Variants in COL15A1 observed in about 807,000 individuals in gnomAD.
The protein encoded by COL15A1 is collagen type XV alpha 1 chain.
Under a neutral mutation model 165.9 loss-of-function variants are expected in COL15A1, and 111 were observed. The observed-to-expected ratio is 0.67, with a 90% CI of 0.57 to 0.78. COL15A1 has a LOEUF of 0.78. Ranked by LOEUF, COL15A1 falls within the 30% of genes least tolerant of loss-of-function variation. COL15A1 has a pLI of 0.00. For synonymous variants in COL15A1, 659 were observed against 674.8 expected (o/e 0.98, Z 0.36); for missense variants, 1,745 against 1,789.7 (o/e 0.98, Z 0.45).
At chr9:98,963,557 G>A (rs926083564) in intron 2 of COL15A1, among the ~76,000 whole-genome samples, 8 of 152,172 alleles carry the variant, frequency 5.3e-5, no homozygotes, top group African/African-American at 1.9e-4. Context: ...GATCACATCC[G>A]TACCATTCTC....
chr9:99,010,959 C>T (rs965838425), intron 9 of COL15A1, among the ~76,000 whole-genome samples: 8 of 151,654 alleles, frequency 5.3e-5, no homozygotes, highest in African/African-American at 1.5e-4. Context: ...GAAGAAAATA[C>T]TCCTTTTAGA....
At chr9:98,955,202 A>G (rs1365354680) in intron 2 of COL15A1, among the ~76,000 whole-genome samples, 4 of 152,206 alleles carry the variant, frequency 2.6e-5, no homozygotes, top group African/African-American at 9.6e-5. Flanking sequence ...AGAATAACCA[A>G]TGCAGTCCAA....
intron 5 of COL15A1, among the ~76,000 whole-genome samples, 154 bp downstream of exon 5, chr9:98,989,412 C>T (rs1234267085): frequency 6.6e-6 from 1 of 152,184 alleles, no homozygotes; most frequent in Non-Finnish European, 1.5e-5. Flanking sequence ...AAAATAATGG[C>T]CAATGGGCAC....
chr9:99,015,343 C>A (rs1588515960), intron 9 of COL15A1, 74 bp from the exon 10 acceptor site: 2 of 993,686 alleles, frequency 2.0e-6, no homozygotes, highest in Non-Finnish European at 1.6e-6. Context: ...GCGCTTTCCA[C>A]CCCCCAGCCT....
chr9:98,995,144 C>A (rs974757476), intron 5 of COL15A1, among the ~76,000 whole-genome samples: 1 of 152,200 alleles, frequency 6.6e-6, no homozygotes, highest in African/African-American at 2.4e-5. Context: ...GATGGAGTGG[C>A]TTCTGCCTTG....
At position 98,989,474 on chromosome 9, in the gene COL15A1, G is replaced by C. The variant is rs564228604; in HGVS notation, c.804+216G>C. On this transcript the variant is annotated intron_variant, in intron 5 of 41. Coordinates refer to ENST00000375001, the MANE Select transcript of COL15A1 (RefSeq NM_001855.5). The stretch of plus-strand genomic sequence containing the variant: ...ACACCAGCTTCCTCAGTGCCACCCT[G>C]TGTGTGGCCATCAGAGGGCTGTCAA... Among the ~76,000 whole-genome samples, 5 of 152,350 alleles carry C rather than the reference G, an allele frequency of 3.3e-5. No individual in the cohort carries two copies. The South Asian group carries it at 8.3e-4, about 25-fold the overall frequency.
intron 2 of COL15A1, among the ~76,000 whole-genome samples, chr9:98,978,576 C>A (rs1257474584): frequency 1.3e-5 from 2 of 152,112 alleles, no homozygotes; most frequent in African/African-American, 4.8e-5. Flanking sequence ...GTCTTTAAAC[C>A]GTGGAGGAAA....
chr9:98,986,333 C>T (rs1031035320), intron 3 of COL15A1: 2 of 527,292 alleles, frequency 3.8e-6, no homozygotes, highest in Admixed American at 7.0e-5. Context: ...TCCAGATTCT[C>T]TGATCCTCTC....
chr9:99,041,897 G>A, intron 23 of COL15A1, 148 bp from the exon 24 acceptor site: 1 of 597,812 alleles, frequency 1.7e-6, no homozygotes, highest in Non-Finnish European at 3.0e-6. Context: ...ACCACTTAAG[G>A]TTAAGAAAAT....
intron 2 of COL15A1, among the ~76,000 whole-genome samples, chr9:98,980,213 C>T (rs1838214038): frequency 6.6e-6 from 1 of 151,518 alleles, no homozygotes; most frequent in African/African-American, 2.4e-5. Context: ...TTCATTTGTT[C>T]ATTCATTCAC....
chr9:98,975,836 T>A (rs1838133425), intron 2 of COL15A1, among the ~76,000 whole-genome samples: 4 of 152,286 alleles, frequency 2.6e-5, no homozygotes, highest in Admixed American at 2.6e-4. Context: ...CTTTGGCCCT[T>A]TTTGCAGAGT....
At chr9:98,989,774 A>G (rs952096774) in intron 5 of COL15A1, among the ~76,000 whole-genome samples, 3 of 152,166 alleles carry the variant, frequency 2.0e-5, no homozygotes, top group African/African-American at 4.8e-5. Flanking sequence ...CAGTCTTGTG[A>G]GTCACAGAGT....
rs149287814 is a variant in COL15A1, at chr9:99,011,527, C to G, written c.1354-3890C>G. Reference sequence around the variant, plus strand: ...CAAAATTACCTCTTTATTTCTATAACTTTCTTTACATCTCTCTCATTTCCT... The same window carrying G: ...CAAAATTACCTCTTTATTTCTATAAGTTTCTTTACATCTCTCTCATTTCCT... On this transcript the variant is annotated intron_variant, in intron 9 of 41. Transcript: ENST00000375001. 4.6e-3 allele frequency among the ~76,000 whole-genome samples: 690 copies of G among 151,522 alleles called. 6 individuals carry two copies. Among genetic ancestry groups the G allele is most frequent in the African/African-American group, 0.015 (616 of 41,296 alleles).
At chr9:99,024,595 T>C (rs1467907942) in intron 14 of COL15A1, among the ~76,000 whole-genome samples, 1 of 152,168 alleles carries the variant, frequency 6.6e-6, no homozygotes, top group Non-Finnish European at 1.5e-5. Context: ...TTCCAACTAA[T>C]TGGATCTTTC....
intron 9 of COL15A1, among the ~76,000 whole-genome samples, chr9:99,005,936 C>G (rs1046176092): frequency 6.6e-6 from 1 of 152,214 alleles, no homozygotes; most frequent in African/African-American, 2.4e-5. Context: ...CTTGCAGGGT[C>G]TGGCCTACCT....
At chr9:99,039,340 C>G (rs559372513) in intron 22 of COL15A1, among the ~76,000 whole-genome samples, 7 of 152,276 alleles carry the variant, frequency 4.6e-5, no homozygotes, top group African/African-American at 1.4e-4. Context: ...GAAACCCTGT[C>G]TCTACTAAAA....
At chr9:99,051,304 G>C (rs1174823101) in intron 30 of COL15A1, among the ~76,000 whole-genome samples, 1 of 152,146 alleles carries the variant, frequency 6.6e-6, no homozygotes, top group Non-Finnish European at 1.5e-5. Context: ...AGTAACCATG[G>C]CCTTTGGGGG....
Position 99,070,601 on chromosome 9 carries a change from C to T in COL15A1, c.*715C>T. Reference sequence around the variant, plus strand: ...AATTACTACCTTCCCCTTGGCGGCTCTCCTCCCCAACCCCCACCCCACAAT... The same window carrying T: ...AATTACTACCTTCCCCTTGGCGGCTTTCCTCCCCAACCCCCACCCCACAAT... On this transcript the variant is annotated 3_prime_UTR_variant, in exon 42 of 42. Transcript: ENST00000375001. 2.2e-6 allele frequency: 1 copy of T among 447,030 alleles called. No individual in the cohort carries two copies. The highest frequency in any genetic ancestry group is 4.5e-6 in the Non-Finnish European group (1 of 223,618). 27.7% of individuals were successfully genotyped at this position (447,030 alleles called of 1,614,324 possible).
At chr9:98,960,998 A>C (rs58487794) in intron 2 of COL15A1, among the ~76,000 whole-genome samples, 1,776 of 152,320 alleles carry the variant, frequency 0.012, 47 homozygotes, top group African/African-American at 0.041. Flanking sequence ...GGAGATAAAC[A>C]ATCATAATCT....
Sources: gnomAD v4.1 joint callset for allele counts (sites outside exome capture counted in the v4.1 genomes callset) on GRCh38, gnomAD v4.1.1 for gene constraint, MANE v1.5 for transcripts, NCBI Gene and HGNC (gene_info 2026-07-23, HGNC 2026-07-21) for gene names.